The following LRRC4C variants were observed in gnomAD, a reference collection of about 807,000 sequenced individuals.
LRRC4C encodes the protein leucine rich repeat containing 4C, also known as leucine-rich repeat-containing protein 4C.
In LRRC4C, 5 loss-of-function variants were observed where a neutral mutation model predicts 33.6. That is an observed-to-expected ratio of 0.15 (90% CI 0.08 to 0.31). LRRC4C has a LOEUF of 0.31. Among genes scored for constraint, LRRC4C ranks in the 10% least tolerant of loss-of-function variants. LRRC4C has a pLI of 1.00. For missense variants in LRRC4C, 560 were observed against 796.7 expected, an observed-to-expected ratio of 0.70 and a Z score of 3.58; for synonymous variants, 329 against 302.0, an observed-to-expected ratio of 1.09 and a Z score of -0.93.
At chr11:41,252,019 T>G (rs1328687459) in intron 1 of LRRC4C, among the ~76,000 whole-genome samples, 1 of 152,076 alleles carries the variant, frequency 6.6e-6, no homozygotes, top group East Asian at 1.9e-4. Flanking sequence ...AAAAAAGAAT[T>G]GAACAGCAAT....
chr11:41,280,550 T>C (rs1480380480), intron 1 of LRRC4C, among the ~76,000 whole-genome samples: 1 of 152,258 alleles, frequency 6.6e-6, no homozygotes, highest in Non-Finnish European at 1.5e-5. Flanking sequence ...GCATTCACCA[T>C]TGTGTTTATG....
At chr11:41,114,361 A>G (rs1045729482) in intron 1 of LRRC4C, among the ~76,000 whole-genome samples, 3 of 151,992 alleles carry the variant, frequency 2.0e-5, no homozygotes, top group African/African-American at 7.2e-5. Context: ...AGAGAACAAA[A>G]CCTTCCCTCT....
intron 3 of LRRC4C, among the ~76,000 whole-genome samples, chr11:40,531,484 G>GA (rs768326614): frequency 5.3e-5 from 8 of 151,516 alleles, no homozygotes; most frequent in African/African-American, 1.5e-4. Context: ...ACAGATAGAA[G>GA]AAAAAAAAGA....
At chr11:40,451,579 G>T (rs1294372635) in intron 3 of LRRC4C, among the ~76,000 whole-genome samples, 1 of 151,494 alleles carries the variant, frequency 6.6e-6, no homozygotes, top group African/African-American at 2.4e-5. Flanking sequence ...AGAGATGGGG[G>T]TTTCACTATG....
intron 1 of LRRC4C, among the ~76,000 whole-genome samples, chr11:41,100,196 C>T (rs1409025527): frequency 6.6e-6 from 1 of 152,128 alleles, no homozygotes; most frequent in Non-Finnish European, 1.5e-5. Flanking sequence ...AATTTTAAAA[C>T]ATTGCTCAAA....
At chr11:41,045,887 T>A (rs1857743970) in intron 1 of LRRC4C, among the ~76,000 whole-genome samples, 1 of 152,094 alleles carries the variant, frequency 6.6e-6, no homozygotes. Context: ...ACCCCCAGTA[T>A]CCTTATGTAT....
At chr11:40,602,817 T>G (rs1288167798) in intron 3 of LRRC4C, among the ~76,000 whole-genome samples, 1 of 152,142 alleles carries the variant, frequency 6.6e-6, no homozygotes, top group Non-Finnish European at 1.5e-5. Context: ...GGAAGGAGCT[T>G]GAAGCTAAGT....
chr11:41,198,303 G>T (rs1317186140), intron 1 of LRRC4C, among the ~76,000 whole-genome samples: 2 of 151,744 alleles, frequency 1.3e-5, no homozygotes, highest in Non-Finnish European at 2.9e-5. Flanking sequence ...TATTATGGTG[G>T]AAACCTATAT....
At chr11:41,248,748 T>G (rs904442497) in intron 1 of LRRC4C, among the ~76,000 whole-genome samples, 1 of 152,224 alleles carries the variant, frequency 6.6e-6, no homozygotes, top group Non-Finnish European at 1.5e-5. Flanking sequence ...AAACTACAAC[T>G]TTTAATTTGA....
chr11:40,358,742 T>A (rs556383154), intron 3 of LRRC4C, among the ~76,000 whole-genome samples: 34 of 152,290 alleles, frequency 2.2e-4, no homozygotes, highest in African/African-American at 8.2e-4. Flanking sequence ...TTTTTCTGAT[T>A]CCACATGCAA....
chr11:40,171,040 C>A (rs1860005488), intron 5 of LRRC4C, among the ~76,000 whole-genome samples: 1 of 152,044 alleles, frequency 6.6e-6, no homozygotes, highest in Non-Finnish European at 1.5e-5. Flanking sequence ...TTCCTAAAAC[C>A]AATTTTGGAA....
intron 2 of LRRC4C, among the ~76,000 whole-genome samples, chr11:40,679,457 C>A (rs1368163826): frequency 6.6e-6 from 1 of 152,128 alleles, no homozygotes; most frequent in Admixed American, 6.5e-5. Flanking sequence ...GAGACCTTTG[C>A]AGCAGCCCCT....
chr11:40,195,885 G>C (rs1427283292), intron 5 of LRRC4C, among the ~76,000 whole-genome samples: 1 of 152,260 alleles, frequency 6.6e-6, no homozygotes, highest in East Asian at 1.9e-4. Context: ...GTATTTATAA[G>C]GTGTGGCAAT....
At chr11:40,805,609 C>T (rs1951212135) in intron 2 of LRRC4C, among the ~76,000 whole-genome samples, 1 of 152,132 alleles carries the variant, frequency 6.6e-6, no homozygotes, top group South Asian at 2.1e-4. Flanking sequence ...ATAAGTAAGA[C>T]ATTATCTCCA....
At chr11:41,058,464 A>C (rs571211714) in intron 1 of LRRC4C, among the ~76,000 whole-genome samples, 1 of 152,240 alleles carries the variant, frequency 6.6e-6, no homozygotes, top group Non-Finnish European at 1.5e-5. Context: ...GGACCCAAGC[A>C]GGTAGTGTGA....
chr11:40,328,797 C>T (rs951889004), intron 3 of LRRC4C, among the ~76,000 whole-genome samples: 1 of 152,186 alleles, frequency 6.6e-6, no homozygotes, highest in African/African-American at 2.4e-5. Context: ...TTATGGGTTA[C>T]TTGCATTTGG....
chr11:40,591,730 A>G (rs1959068125), intron 3 of LRRC4C, among the ~76,000 whole-genome samples: 1 of 152,228 alleles, frequency 6.6e-6, no homozygotes, highest in Non-Finnish European at 1.5e-5. Flanking sequence ...ATGCCTCATT[A>G]GTGACCTTAA....
At chr11:41,242,269 CA>C (rs1425885812) in intron 1 of LRRC4C, among the ~76,000 whole-genome samples, 1 of 152,024 alleles carries the variant, frequency 6.6e-6, no homozygotes, top group Admixed American at 6.6e-5. Flanking sequence ...CTCCAGGGGA[CA>C]ACCACGTTTT....
intron 1 of LRRC4C, among the ~76,000 whole-genome samples, chr11:41,360,244 C>T (rs151099537): frequency 2.5e-4 from 38 of 152,176 alleles, no homozygotes; most frequent in African/African-American, 8.7e-4. Flanking sequence ...ATCTCCTCTC[C>T]ATCCCGGACA....
Sources: gnomAD v4.1 joint callset for allele counts (sites outside exome capture counted in the v4.1 genomes callset) on GRCh38, gnomAD v4.1.1 for gene constraint, MANE v1.5 for transcripts, NCBI Gene and HGNC (gene_info 2026-07-23, HGNC 2026-07-21) for gene names.